Variants in ZFPM2 observed in about 807,000 individuals in gnomAD.
ZFPM2 encodes zinc finger protein, FOG family member 2, also known as zinc finger protein ZFPM2.
Under a neutral mutation model 98.6 loss-of-function variants are expected in ZFPM2, and 20 were observed. That is an observed-to-expected ratio of 0.20 (90% confidence interval 0.14 to 0.29). ZFPM2 has a LOEUF of 0.29. Among genes scored for constraint, ZFPM2 ranks in the 10% least tolerant of loss-of-function variants. The pLI is 1.00. For missense variants in ZFPM2, 1,310 were observed against 1,388.6 expected, an observed-to-expected ratio of 0.94 and a Z score of 0.90; for synonymous variants, 518 against 502.7, an observed-to-expected ratio of 1.03 and a Z score of -0.41.
At chr8:105,646,615 G>C (rs1817053288) in intron 5 of ZFPM2, among the ~76,000 whole-genome samples, 1 of 152,084 alleles carries the variant, frequency 6.6e-6, no homozygotes, top group South Asian at 2.1e-4. Context: ...TTATCAACTG[G>C]AGGATTTTGC....
At chr8:105,769,553 C>A (rs1436196410) in intron 5 of ZFPM2, among the ~76,000 whole-genome samples, 1 of 151,910 alleles carries the variant, frequency 6.6e-6, no homozygotes, top group African/African-American at 2.4e-5. Flanking sequence ...GGGAGGGGGG[C>A]TTAGGTTTCT....
intron 1 of ZFPM2, among the ~76,000 whole-genome samples, chr8:105,395,434 C>T (rs1236729838): frequency 1.3e-5 from 2 of 152,040 alleles, no homozygotes; most frequent in African/African-American, 2.4e-5. Flanking sequence ...TGGTAGGATC[C>T]ACATTTTATC....
chr8:105,684,114 G>C (rs906735762), intron 5 of ZFPM2, among the ~76,000 whole-genome samples: 3 of 152,112 alleles, frequency 2.0e-5, no homozygotes, highest in African/African-American at 7.2e-5. Flanking sequence ...TTTACACTCA[G>C]GGAAGTATAT....
intron 2 of ZFPM2, among the ~76,000 whole-genome samples, chr8:105,426,641 G>A (rs574650321): frequency 2.6e-5 from 4 of 152,078 alleles, no homozygotes; most frequent in Non-Finnish European, 5.9e-5. Flanking sequence ...TTTTTAGAAT[G>A]TAAAATTACA....
At chr8:105,486,700 A>G (rs1813236616) in intron 3 of ZFPM2, among the ~76,000 whole-genome samples, 1 of 152,202 alleles carries the variant, frequency 6.6e-6, no homozygotes, top group African/African-American at 2.4e-5. Context: ...GAAATTTCAG[A>G]TTCAGGGATA....
chr8:105,739,951 C>T (rs1812175203), intron 5 of ZFPM2, among the ~76,000 whole-genome samples: 2 of 152,006 alleles, frequency 1.3e-5, no homozygotes, highest in Non-Finnish European at 2.9e-5. Context: ...TAAAACCCCC[C>T]TTTTCTTTAC....
At chr8:105,422,472 G>C (rs971119216) in intron 2 of ZFPM2, among the ~76,000 whole-genome samples, 6 of 148,904 alleles carry the variant, frequency 4.0e-5, no homozygotes, top group African/African-American at 1.5e-4. Flanking sequence ...ATAATATCTT[G>C]GGTTCATTAA....
intron 5 of ZFPM2, among the ~76,000 whole-genome samples, chr8:105,744,733 C>T (rs1313191439): frequency 0.049 from 13 of 266 alleles, no homozygotes; most frequent in East Asian, 0.21. Context: ...GTTTTCTAGC[C>T]GGAAAAACAG....
intron 4 of ZFPM2, among the ~76,000 whole-genome samples, chr8:105,570,356 G>T (rs529162508): frequency 6.6e-6 from 1 of 152,010 alleles, no homozygotes; most frequent in Non-Finnish European, 1.5e-5. Flanking sequence ...CTCAGGGAAA[G>T]AGGAGAAAGA....
chr8:105,649,052 A>G (rs915208433), intron 5 of ZFPM2, among the ~76,000 whole-genome samples: 1 of 151,892 alleles, frequency 6.6e-6, no homozygotes, highest in African/African-American at 2.4e-5. Context: ...CTTTTATTTC[A>G]TTGAGCAGTG....
intron 5 of ZFPM2, among the ~76,000 whole-genome samples, chr8:105,719,139 A>G (rs1347988848): frequency 6.6e-6 from 1 of 151,956 alleles, no homozygotes; most frequent in African/African-American, 2.4e-5. Flanking sequence ...AAACATTCTA[A>G]CAACTATCAT....
chr8:105,339,351 C>A (rs573227775), intron 1 of ZFPM2, among the ~76,000 whole-genome samples: 66 of 151,746 alleles, frequency 4.3e-4, no homozygotes, highest in Admixed American at 1.4e-3. Context: ...GCTTATGGTA[C>A]CTGAATGGTA....
intron 5 of ZFPM2, among the ~76,000 whole-genome samples, chr8:105,735,630 G>T (rs1294024173): frequency 6.6e-6 from 1 of 151,714 alleles, no homozygotes; most frequent in Non-Finnish European, 1.5e-5. Flanking sequence ...ACACAGTCAA[G>T]GTTTCAAAAT....
At chr8:105,727,978 C>T (rs1367979265) in intron 5 of ZFPM2, among the ~76,000 whole-genome samples, 3 of 149,170 alleles carry the variant, frequency 2.0e-5, no homozygotes, top group Non-Finnish European at 4.5e-5. Context: ...CAAAATCAAA[C>T]AGCTCTATAC....
rs1339066962 is a variant in ZFPM2, at chr8:105,788,827, C to T, written c.642C>T (p.Leu214=). ...TACAAGCTGCCAGTCAGATGACTCTCACAGAAGGGATGTACCCTGCACGCC... is the reference window on the plus strand; with the variant it reads ...TACAAGCTGCCAGTCAGATGACTCTTACAGAAGGGATGTACCCTGCACGCC... The part of the protein sequence containing the change: ...SRLQAASQMT[L]TEGMYPARLL... Residue 214 remains leucine (L), a synonymous_variant, in exon 6 of 8, where the codon CTC becomes CTT. Transcript: ENST00000407775. 1 of 1,613,830 alleles carries T rather than the reference C, an allele frequency of 6.2e-7. No homozygotes were observed. The highest frequency in any genetic ancestry group is 8.5e-7 in the Non-Finnish European group (1 of 1,179,878).
chr8:105,411,465 G>A (rs967624269), intron 1 of ZFPM2, among the ~76,000 whole-genome samples: 1 of 151,624 alleles, frequency 6.6e-6, no homozygotes, highest in Non-Finnish European at 1.5e-5. Flanking sequence ...AGCATCCTCA[G>A]TAAATATTAT....
intron 5 of ZFPM2, among the ~76,000 whole-genome samples, chr8:105,711,079 G>T (rs1408263407): frequency 2.6e-5 from 4 of 151,690 alleles, no homozygotes; most frequent in Non-Finnish European, 5.9e-5. Flanking sequence ...TTCCTTTAAG[G>T]TAGGTGTCAG....
At chr8:105,413,804 A>G (rs376117758) in intron 1 of ZFPM2, among the ~76,000 whole-genome samples, 3 of 151,956 alleles carry the variant, frequency 2.0e-5, no homozygotes, top group South Asian at 4.2e-4. Context: ...AAAGTTTGTG[A>G]TGAAAATTTT....
At chr8:105,534,137 T>C (rs1340017412) in intron 3 of ZFPM2, among the ~76,000 whole-genome samples, 5 of 59,354 alleles carry the variant, frequency 8.4e-5, no homozygotes, top group Non-Finnish European at 9.5e-5. Flanking sequence ...CTCCCTTCCT[T>C]CCTTTCTTCC....
Sources: allele counts gnomAD v4.1 joint callset (sites outside exome capture counted in the v4.1 genomes callset), GRCh38; gene constraint gnomAD v4.1.1; transcripts MANE v1.5; gene names NCBI Gene and HGNC (gene_info 2026-07-23, HGNC 2026-07-21).